WASHC3: variants seen among roughly 807,000 people sequenced by gnomAD.
WASHC3 encodes WASH complex subunit 3.
In WASHC3, 24 loss-of-function variants were observed where a neutral mutation model predicts 26.1. The ratio of observed to expected loss-of-function variants is 0.92; its 90% CI spans 0.66 to 1.29. WASHC3 has a LOEUF of 1.29. Ranked by LOEUF, WASHC3 falls within the 50% of genes most tolerant of loss-of-function variation. The pLI is 0.00. For synonymous variants in WASHC3, 77 were observed against 75.7 expected, an observed-to-expected ratio of 1.02 and a Z score of -0.09; for missense variants, 214 against 229.6, an observed-to-expected ratio of 0.93 and a Z score of 0.44.
intron 6 of WASHC3, among the ~76,000 whole-genome samples, chr12:102,014,895 AG>A (rs1325419410): frequency 6.6e-6 from 1 of 152,246 alleles, no homozygotes; most frequent in Non-Finnish European, 1.5e-5. Context: ...TTTGTTAAGT[AG>A]GAAAACATTA....
intron 6 of WASHC3, among the ~76,000 whole-genome samples, chr12:102,014,177 G>A (rs1465455698): frequency 6.8e-6 from 1 of 146,272 alleles, no homozygotes; most frequent in Non-Finnish European, 1.5e-5. Flanking sequence ...CTGTCTCCCA[G>A]GTTCAAGCCA....
At chr12:102,062,105 C>T (rs1236893789), upstream of WASHC3, 2 of 653,370 alleles carry the variant, frequency 3.1e-6, no homozygotes, top group Admixed American at 2.9e-5. Flanking sequence ...TCTCCGCTCA[C>T]TAATCACTCG....
chr12:102,031,956 ATGGAAAGCCACAT>A (rs1283954348), intron 5 of WASHC3, among the ~76,000 whole-genome samples: 1 of 152,194 alleles, frequency 6.6e-6, no homozygotes, highest in Non-Finnish European at 1.5e-5. Context: ...TCTCTAAACC[ATGGAAAGCCACAT>A]TGGGGTCATA....
chr12:102,048,677 C>T (rs1043730494), intron 2 of WASHC3, among the ~76,000 whole-genome samples: 2 of 151,670 alleles, frequency 1.3e-5, no homozygotes, highest in Non-Finnish European at 2.9e-5. Context: ...CTGCAGATTT[C>T]CTTATACTTC....
intron 2 of WASHC3, chr12:102,050,642 C>T (rs1001088644): frequency 1.8e-5 from 8 of 436,764 alleles, no homozygotes; most frequent in Admixed American, 2.6e-5. Context: ...GACCCCGTCT[C>T]GGGGGGAAAA....
At chr12:102,034,960 C>G (rs190303276) in intron 5 of WASHC3, among the ~76,000 whole-genome samples, 96 of 152,024 alleles carry the variant, frequency 6.3e-4, no homozygotes, top group African/African-American at 2.1e-3. Flanking sequence ...AGGACAATAA[C>G]CGTAAATCAA....
chr12:102,043,848 G>T (rs895789980), intron 4 of WASHC3: 4 of 189,104 alleles, frequency 2.1e-5, no homozygotes, highest in Non-Finnish European at 3.2e-5. Context: ...TTATTTTGAA[G>T]AAAATAATTA....
chr12:102,036,750 T>C (rs1487136615), intron 5 of WASHC3, among the ~76,000 whole-genome samples: 2 of 151,954 alleles, frequency 1.3e-5, no homozygotes, highest in Non-Finnish European at 2.9e-5. Flanking sequence ...GCTTAGGAAA[T>C]AGATATACCC....
chr12:102,017,604 G>A (rs1041397769), intron 6 of WASHC3: 2 of 273,514 alleles, frequency 7.3e-6, no homozygotes, highest in African/African-American at 4.6e-5. Flanking sequence ...GTACACTGGG[G>A]TGCAACAGTA....
At chr12:102,060,496 C>A (rs1878760493) in intron 2 of WASHC3, among the ~76,000 whole-genome samples, 1 of 152,124 alleles carries the variant, frequency 6.6e-6, no homozygotes, top group South Asian at 2.1e-4. Flanking sequence ...AAGTCATTTG[C>A]AGAAAATATT....
At chr12:102,020,424 C>A (rs993153150) in intron 6 of WASHC3, among the ~76,000 whole-genome samples, 7 of 152,044 alleles carry the variant, frequency 4.6e-5, no homozygotes, top group Admixed American at 6.5e-5. Flanking sequence ...TTGGTTTCTG[C>A]CATCCTAAAT....
At chr12:102,035,495 A>G (rs1458224133) in intron 5 of WASHC3, among the ~76,000 whole-genome samples, 2 of 152,218 alleles carry the variant, frequency 1.3e-5, no homozygotes, top group Admixed American at 6.5e-5. Flanking sequence ...TCATAATCCA[A>G]AAAATAATGA....
intron 6 of WASHC3, among the ~76,000 whole-genome samples, chr12:102,020,076 G>C (rs73183988): frequency 0.039 from 5,966 of 152,220 alleles, 166 homozygotes; most frequent in African/African-American, 0.072. Flanking sequence ...AGATGGATTC[G>C]AGGAAAGGCA....
At chr12:102,060,241 C>T (rs1878748236) in intron 2 of WASHC3, among the ~76,000 whole-genome samples, 1 of 152,154 alleles carries the variant, frequency 6.6e-6, no homozygotes, top group Non-Finnish European at 1.5e-5. Flanking sequence ...ATTGTCTTCC[C>T]CATCCTCTTT....
chr12:102,025,411 A>G (rs1309383715), intron 6 of WASHC3, among the ~76,000 whole-genome samples: 1 of 152,140 alleles, frequency 6.6e-6, no homozygotes, highest in Non-Finnish European at 1.5e-5. Context: ...AAATTCACAC[A>G]ATAAGGGATT....
intron 2 of WASHC3, among the ~76,000 whole-genome samples, chr12:102,056,890 G>GA (rs1878614109): frequency 6.6e-6 from 1 of 152,128 alleles, no homozygotes; most frequent in Admixed American, 6.5e-5. Context: ...TACTGAAGAG[G>GA]AGGGGAAACT....
chr12:102,017,337 C>T (rs191411760), intron 6 of WASHC3, among the ~76,000 whole-genome samples: 9 of 152,178 alleles, frequency 5.9e-5, no homozygotes, highest in Non-Finnish European at 8.8e-5. Context: ...TGTCCTTAAG[C>T]GATGCACGGC....
At chr12:102,057,793 C>T (rs904470681) in intron 2 of WASHC3, among the ~76,000 whole-genome samples, 1 of 151,970 alleles carries the variant, frequency 6.6e-6, no homozygotes, top group African/African-American at 2.4e-5. Flanking sequence ...AACGTGTGTT[C>T]ATGGATTGGA....
At chr12:102,060,109 A>T (rs1371709896) in intron 2 of WASHC3, among the ~76,000 whole-genome samples, 1 of 152,140 alleles carries the variant, frequency 6.6e-6, no homozygotes, top group African/African-American at 2.4e-5. Flanking sequence ...CTTAACAAAA[A>T]CTCTAATTGC....
Sources: allele counts gnomAD v4.1 joint callset (sites outside exome capture counted in the v4.1 genomes callset), GRCh38; gene constraint gnomAD v4.1.1; transcripts MANE v1.5; gene names NCBI Gene and HGNC (gene_info 2026-07-23, HGNC 2026-07-21).